CAST: variants seen among roughly 807,000 people sequenced by gnomAD.
CAST encodes MIR583 host.
In CAST, 76 loss-of-function variants were observed where a neutral mutation model predicts 119.6. That is an observed-to-expected ratio of 0.64 (90% confidence interval 0.53 to 0.77). The LOEUF is 0.77. Ranked by LOEUF, CAST falls within the 30% of genes least tolerant of loss-of-function variation. CAST has a pLI of 0.00. For missense variants in CAST, 953 were observed against 946.5 expected (o/e 1.01, Z -0.09); for synonymous variants, 319 against 331.6 (o/e 0.96, Z 0.41).
chr5:96,127,380 G>T, the CAST span, among the ~76,000 whole-genome samples: 7 of 152,132 alleles, frequency 4.6e-5, no homozygotes, highest in Admixed American at 4.6e-4. Flanking sequence ...CAGACAGGTG[G>T]TGTTCATTTT....
At chr5:96,376,445 T>A in the CAST span, among the ~76,000 whole-genome samples, 70 of 152,120 alleles carry the variant, frequency 4.6e-4, 1 homozygote, top group Admixed American at 5.2e-4. Flanking sequence ...CTATTTTTTT[T>A]TTTTTATTTT....
At chr5:96,472,454 A>G in the CAST span, among the ~76,000 whole-genome samples, 1 of 152,190 alleles carries the variant, frequency 6.6e-6, no homozygotes, top group Non-Finnish European at 1.5e-5. Flanking sequence ...CTAGAATAGT[A>G]CCTTGAATAT....
the CAST span, among the ~76,000 whole-genome samples, chr5:96,268,009 A>G: frequency 1.3e-5 from 2 of 152,156 alleles, no homozygotes; most frequent in African/African-American, 4.8e-5. Flanking sequence ...CATCTCTTTA[A>G]AATAACTTAT....
intron 1 of CAST, among the ~76,000 whole-genome samples, chr5:96,551,850 T>C (rs1746132188): frequency 6.6e-6 from 1 of 152,120 alleles, no homozygotes; most frequent in Non-Finnish European, 1.5e-5. Context: ...AAGGGATCAA[T>C]TCAACAAGAA....
At chr5:96,367,418 A>C in the CAST span, among the ~76,000 whole-genome samples, 1 of 152,194 alleles carries the variant, frequency 6.6e-6, no homozygotes, top group Non-Finnish European at 1.5e-5. Flanking sequence ...CCCTGCCACC[A>C]GAGGTGGAGT....
intron 1 of CAST, among the ~76,000 whole-genome samples, chr5:96,616,667 A>G (rs894546371): frequency 6.7e-6 from 1 of 149,572 alleles, no homozygotes; most frequent in African/African-American, 2.4e-5. Flanking sequence ...GAGTTGGGGT[A>G]TGAACTTAAA....
the CAST span, among the ~76,000 whole-genome samples, chr5:96,510,237 A>C: frequency 3.3e-5 from 5 of 152,208 alleles, no homozygotes; most frequent in Non-Finnish European, 7.3e-5. Context: ...ATAGGAAGGC[A>C]ACTGAGAAAT....
At chr5:96,189,576 T>C in the CAST span, among the ~76,000 whole-genome samples, 1 of 152,330 alleles carries the variant, frequency 6.6e-6, no homozygotes, top group Non-Finnish European at 1.5e-5. Context: ...TAATTTACTT[T>C]CCTCTATTTT....
chr5:96,098,076 G>C, the CAST span, among the ~76,000 whole-genome samples: 1 of 152,248 alleles, frequency 6.6e-6, no homozygotes, highest in African/African-American at 2.4e-5. Context: ...TTTCTCTAAT[G>C]ATCAGTAATT....
At chr5:96,064,877 C>T in the CAST span, among the ~76,000 whole-genome samples, 42 of 152,198 alleles carry the variant, frequency 2.8e-4, no homozygotes, top group Non-Finnish European at 5.7e-4. Context: ...ATGCTATGTG[C>T]GTTAGTTAAA....
intron 22 of CAST, among the ~76,000 whole-genome samples, chr5:96,755,511 G>A (rs1315164685): frequency 6.6e-6 from 1 of 152,094 alleles, no homozygotes; most frequent in African/African-American, 2.4e-5. Flanking sequence ...ACACAACAAG[G>A]GGGAAGACCC....
chr5:96,128,485 G>T, the CAST span, among the ~76,000 whole-genome samples: 2 of 151,878 alleles, frequency 1.3e-5, no homozygotes, highest in African/African-American at 4.8e-5. Context: ...ATTTTTTATT[G>T]TTGTTCTAGG....
the CAST span, among the ~76,000 whole-genome samples, chr5:96,333,717 G>T: frequency 1.4e-4 from 21 of 152,114 alleles, no homozygotes; most frequent in Non-Finnish European, 2.8e-4. Flanking sequence ...GTGGGCGAGG[G>T]GTGTACTCAG....
chr5:96,642,443 CAGG>C (rs778455654), intron 1 of CAST, among the ~76,000 whole-genome samples: 3 of 151,926 alleles, frequency 2.0e-5, no homozygotes, highest in Non-Finnish European at 2.9e-5. Context: ...TGAACAGGGC[CAGG>C]AGGTCATGAG....
At chr5:96,209,088 T>G in the CAST span, among the ~76,000 whole-genome samples, 1 of 152,066 alleles carries the variant, frequency 6.6e-6, no homozygotes, top group Admixed American at 6.6e-5. Flanking sequence ...CCTTTGTCTC[T>G]TCTGATATTT....
chr5:96,743,411 G>A (rs190922371), intron 16 of CAST: 10 of 464,564 alleles, frequency 2.2e-5, no homozygotes, highest in East Asian at 7.3e-5. Context: ...GAGAGTTGCC[G>A]GTTCCTGACA....
chr5:96,029,113 A>G, the CAST span, among the ~76,000 whole-genome samples: 1 of 152,140 alleles, frequency 6.6e-6, no homozygotes, highest in African/African-American at 2.4e-5. Flanking sequence ...TTTGAGAAAG[A>G]TGTAAAATTT....
the CAST span, among the ~76,000 whole-genome samples, chr5:96,154,635 C>T: frequency 6.6e-6 from 1 of 152,182 alleles, no homozygotes; most frequent in Admixed American, 6.5e-5. Context: ...TTGCCGCATC[C>T]CCATAGATTC....
At chr5:96,414,701 A>C in the CAST span, among the ~76,000 whole-genome samples, 5 of 152,218 alleles carry the variant, frequency 3.3e-5, no homozygotes, top group Admixed American at 6.5e-5. Flanking sequence ...CTTTCTCTAC[A>C]AAATGAAGGG....
Sources: gnomAD v4.1 joint callset for allele counts (sites outside exome capture counted in the v4.1 genomes callset) on GRCh38, gnomAD v4.1.1 for gene constraint, MANE v1.5 for transcripts, NCBI Gene and HGNC (gene_info 2026-07-23, HGNC 2026-07-21) for gene names.